The following CFAP61 variants were observed in gnomAD, a reference collection of about 807,000 sequenced individuals.
CFAP61 encodes the protein cilia and flagella associated protein 61.
In CFAP61, 107 loss-of-function variants were observed where a neutral mutation model predicts 135.6. The observed-to-expected ratio is 0.79, with a 90% CI of 0.67 to 0.93. The LOEUF is 0.93. CFAP61 is among the 40% of genes least tolerant of loss of function. The pLI, the probability that CFAP61 is intolerant of heterozygous loss-of-function variation, is 0.00. For synonymous variants in CFAP61, 575 were observed against 578.5 expected, an observed-to-expected ratio of 0.99 and a Z score of 0.09; for missense variants, 1,507 against 1,556.2, an observed-to-expected ratio of 0.97 and a Z score of 0.53.
At chr20:20,130,104 A>G (rs1190449889) in intron 8 of CFAP61, among the ~76,000 whole-genome samples, 1 of 151,560 alleles carries the variant, frequency 6.6e-6, no homozygotes, top group Non-Finnish European at 1.5e-5. Context: ...CCTGGCCAAC[A>G]TGGTGAAACC....
chr20:20,320,416 TATATTATATATGTAATATA>T, intron 25 of CFAP61, among the ~76,000 whole-genome samples: 1 of 97,494 alleles, frequency 1.0e-5, no homozygotes, highest in Non-Finnish European at 1.9e-5. Flanking sequence ...ATATGTAATA[TATATTATATATGTAATATA>T]ATATATGTAA....
intron 17 of CFAP61, among the ~76,000 whole-genome samples, chr20:20,202,755 C>T (rs953093014): frequency 3.3e-5 from 5 of 152,028 alleles, no homozygotes; most frequent in Admixed American, 6.5e-5. Flanking sequence ...CATCTCCCAC[C>T]GCCCCCCCGC....
At chr20:20,251,493 C>T (rs375950583) in intron 19 of CFAP61, 102 bp from the exon 20 acceptor site, 46 of 1,061,006 alleles carry the variant, frequency 4.3e-5, no homozygotes, top group South Asian at 1.6e-4. Context: ...AGCAAGAGCA[C>T]GGACTCAGCC....
intron 25 of CFAP61, among the ~76,000 whole-genome samples, chr20:20,337,854 G>A (rs1463365639): frequency 6.6e-6 from 1 of 152,148 alleles, no homozygotes; most frequent in Non-Finnish European, 1.5e-5. Context: ...ATGGAGAGGA[G>A]CAATTCTGGC....
chr20:20,299,090 A>C (rs1369322326), intron 25 of CFAP61, among the ~76,000 whole-genome samples: 1 of 152,222 alleles, frequency 6.6e-6, no homozygotes, highest in Non-Finnish European at 1.5e-5. Context: ...ATGCAGTTCC[A>C]GTGTTCTCGA....
At position 20,164,060 on chromosome 20, in the gene CFAP61, A is replaced by G. The variant is rs1344039327; in HGVS notation, c.1037A>G (p.Lys346Arg). The change falls in exon 11 of 27, where the codon AAA becomes AGA. Residue 346 changes from lysine (K) to arginine (R), a missense_variant. Physicochemically the swap from Lys to Arg is conservative, Grantham distance 26. Transcript: ENST00000245957. ...GNVSEPEDIEKLSDISTGYAQ... is the reference protein window; with the variant it reads ...GNVSEPEDIERLSDISTGYAQ... The stretch of plus-strand genomic sequence containing the variant: ...GTCTCCTTGCTCTAGGACATAGAAA[A>G]ACTCAGTGACATCTCCACTGGATAT... 3 of 1,608,548 alleles carry G rather than the reference A, an allele frequency of 1.9e-6. No individual in the cohort carries two copies. The highest frequency in any genetic ancestry group is 4.5e-5 in the East Asian group (2 of 44,726).
chr20:20,104,381 C>T (rs1469330154), intron 8 of CFAP61, among the ~76,000 whole-genome samples: 1 of 152,122 alleles, frequency 6.6e-6, no homozygotes, highest in Non-Finnish European at 1.5e-5. Flanking sequence ...TTAGGAAACA[C>T]CTAGACCCAC....
intron 8 of CFAP61, 133 bp downstream of exon 8, chr20:20,098,947 C>T: frequency 1.3e-6 from 1 of 782,798 alleles, no homozygotes; most frequent in Non-Finnish European, 2.0e-6. Flanking sequence ...GGAGTAGTTC[C>T]CATGGTTGGT....
intron 25 of CFAP61, among the ~76,000 whole-genome samples, chr20:20,341,265 T>G (rs1380381766): frequency 6.6e-6 from 1 of 152,194 alleles, no homozygotes; most frequent in Non-Finnish European, 1.5e-5. Context: ...CTTATTGTTC[T>G]CCATATAAGG....
intron 25 of CFAP61, among the ~76,000 whole-genome samples, chr20:20,340,504 G>C (rs2058398731): frequency 6.6e-6 from 1 of 151,996 alleles, no homozygotes; most frequent in Non-Finnish European, 1.5e-5. Context: ...AAGGAAAGTG[G>C]GACTTCACAG....
At chr20:20,129,457 CT>C (rs754206102) in intron 8 of CFAP61, among the ~76,000 whole-genome samples, 18 of 151,590 alleles carry the variant, frequency 1.2e-4, no homozygotes, top group Non-Finnish European at 2.9e-5. Context: ...GAGCTCTGTA[CT>C]TGCTTCTTTT....
intron 2 of CFAP61, among the ~76,000 whole-genome samples, chr20:20,057,022 G>A (rs1424260407): frequency 6.6e-6 from 1 of 151,456 alleles, no homozygotes; most frequent in Non-Finnish European, 1.5e-5. Context: ...GGAGGCTGAG[G>A]CATGAGAATC....
rs115286830 is a variant in CFAP61, at chr20:20,246,031, G to A, written c.2061-86G>A. Reference sequence around the variant, plus strand: ...AAGCAATTCAACAGTTGGATGACACGTGATATAAAGTTAAATTGAATTATG... The same window carrying A: ...AAGCAATTCAACAGTTGGATGACACATGATATAAAGTTAAATTGAATTATG... On this transcript the variant is annotated intron_variant, in intron 18 of 26. Transcript: ENST00000245957. 538 of 801,508 alleles carry A rather than the reference G, an allele frequency of 6.7e-4. 3 individuals carry two copies. In the African/African-American group the frequency reaches 8.8e-3, roughly 13 times the overall value. 49.6% of individuals were successfully genotyped at this position (801,508 alleles called of 1,614,324 possible). A position where few individuals can be genotyped will look rare whatever the true frequency, so the allele number is the denominator to read the frequency against.
At chr20:20,323,341 A>G (rs2057610916) in intron 25 of CFAP61, 1 of 980,790 alleles carries the variant, frequency 1.0e-6, no homozygotes, top group Non-Finnish European at 1.2e-6. Flanking sequence ...ACAGTCCCCT[A>G]CTTTCAAACA....
chr20:20,338,534 G>A (rs374432943), intron 25 of CFAP61, among the ~76,000 whole-genome samples: 23 of 152,352 alleles, frequency 1.5e-4, no homozygotes, highest in African/African-American at 5.1e-4. Flanking sequence ...AGTTGAGCGC[G>A]GACCGCCACG....
intron 25 of CFAP61, among the ~76,000 whole-genome samples, chr20:20,340,705 A>AG (rs1402444145): frequency 1.3e-5 from 2 of 152,062 alleles, no homozygotes; most frequent in Non-Finnish European, 2.9e-5. Flanking sequence ...CCCAAAACCA[A>AG]GGGGGTGGGA....
chr20:20,197,090 C>T (rs1030308851), intron 16 of CFAP61, among the ~76,000 whole-genome samples: 6 of 152,266 alleles, frequency 3.9e-5, no homozygotes, highest in South Asian at 2.1e-4. Flanking sequence ...TCTTATGATA[C>T]GTGAGTACAA....
intron 25 of CFAP61, among the ~76,000 whole-genome samples, chr20:20,310,372 C>T (rs764476827): frequency 4.6e-5 from 7 of 152,152 alleles, no homozygotes; most frequent in Non-Finnish European, 7.4e-5. Context: ...TTGACATGAG[C>T]ATTTAACGGA....
In CFAP61 at chr20:20,341,888, G is replaced by C. The variant is rs201933591; in HGVS notation, c.3480G>C (p.Arg1160Ser). The part of the protein sequence containing the change: ...ALFHDRFIDL[R>S]KELRQILASK... ...TCCACGATCGTTTTATTGATCTCAG[G>C]AAAGAGTTACGCCAAATCTTAGCCT... Residue 1160 changes from arginine (R) to serine (S), a missense_variant, in exon 26 of 27, where the codon AGG becomes AGC. Coordinates refer to ENST00000245957, the MANE Select transcript of CFAP61 (RefSeq NM_015585.4). 2 of 1,613,376 alleles carry C rather than the reference G, an allele frequency of 1.2e-6. No individual in the cohort carries two copies. Among genetic ancestry groups the C allele is most frequent in the Admixed American group, 1.7e-5 (1 of 59,980 alleles).
Sources: gnomAD v4.1 joint callset for allele counts (sites outside exome capture counted in the v4.1 genomes callset) on GRCh38, gnomAD v4.1.1 for gene constraint, MANE v1.5 for transcripts, NCBI Gene and HGNC (gene_info 2026-07-23, HGNC 2026-07-21) for gene names.